OCRL: variants seen among roughly 807,000 people sequenced by gnomAD.
OCRL encodes OCRL inositol polyphosphate-5-phosphatase.
A neutral mutation model predicts 78.9 loss-of-function variants in OCRL; 8 were observed. The observed-to-expected ratio is 0.10, with a 90% CI of 0.06 to 0.18. The LOEUF (loss-of-function observed/expected upper bound fraction) is 0.18, where lower values mean the gene tolerates loss of function less well. OCRL is among the 10% of genes least tolerant of loss of function. The pLI, the probability that OCRL is intolerant of heterozygous loss-of-function variation, is 1.00. For synonymous variants in OCRL, 240 were observed against 235.4 expected (o/e 1.02, Z -0.18); for missense variants, 454 against 696.7 (o/e 0.65, Z 3.92).
chrX:129,557,596 A>G (rs1936075373), intron 5 of OCRL, among the ~76,000 whole-genome samples, 161 bp downstream of exon 5: 1 of 110,912 alleles, frequency 9.0e-6, no homozygotes, highest in African/African-American at 3.3e-5. Flanking sequence ...TAGGTTAGGG[A>G]AAAAATCTGC....
chrX:129,573,801 C>A (rs897008493), intron 15 of OCRL, among the ~76,000 whole-genome samples: 15 of 111,656 alleles, frequency 1.3e-4, no homozygotes, highest in African/African-American at 4.9e-4. Context: ...CTCTAGTGAT[C>A]CTCCTGCCTC....
Position 129,581,664 on chromosome X carries a change from TTA to T in OCRL, c.2116-2668_2116-2667del, listed in dbSNP as rs1176223744. 1.8e-4 allele frequency among the ~76,000 whole-genome samples: 19 copies of T among 105,722 alleles called. No homozygotes were observed. The South Asian group carries it at 2.1e-3, about 12-fold the overall frequency. The allele number at this position is 105,722 out of a possible 115,157, so 91.8% of individuals were successfully genotyped here. On this transcript the variant is annotated intron_variant, in intron 18 of 23. Coordinates refer to ENST00000371113, the MANE Select transcript of OCRL (RefSeq NM_000276.4). ...TGTAAGTGTATGTATATACCTTTTA[TTA>T]TATATATATATCCTTTAATATATAT...
At chrX:129,562,851 T>A in intron 12 of OCRL, 65 bp downstream of exon 12, 1 of 1,002,566 alleles carries the variant, frequency 1.0e-6, no homozygotes, top group African/African-American at 1.9e-5. Flanking sequence ...GTGTAGAGAT[T>A]AAATGTGAGA....
chrX:129,562,678 A>G lies in OCRL; in HGVS notation c.1136A>G (p.His379Arg), dbSNP rs1430455302. Residue 379 changes from histidine to arginine, a missense_variant, in exon 12 of 24, where the codon CAC becomes CGC. Physicochemically the swap from His to Arg is conservative, Grantham distance 29. Coordinates refer to ENST00000371113, the MANE Select transcript of OCRL (RefSeq NM_000276.4). ...ATTGTCAATTCCCATCTGGCTGCAC[A>G]CGTGGAGGACTTTGAGAGAAGGAAT... ...FCIVNSHLAA[H>R]VEDFERRNQD... is the part of the protein sequence containing the mutation. 8.3e-7 allele frequency: 1 copy of G among 1,211,245 alleles called. No individual in the cohort carries two copies. The highest frequency in any genetic ancestry group is 2.2e-5 in the Admixed American group (1 of 46,030).
At chrX:129,555,873 A>G (rs1373183862) in intron 4 of OCRL, among the ~76,000 whole-genome samples, 1 of 112,030 alleles carries the variant, frequency 8.9e-6, no homozygotes, top group Non-Finnish European at 1.9e-5. Context: ...CATTTAGTAT[A>G]AATAATCTGA....
chrX:129,549,146 C>T (rs746959381), intron 4 of OCRL, among the ~76,000 whole-genome samples: 14 of 111,729 alleles, frequency 1.3e-4, no homozygotes, highest in Non-Finnish European at 2.3e-4. Context: ...CCCATCCCCT[C>T]AAGGCATCTC....
chrX:129,540,662 G>GGC (rs1556337156), intron 1 of OCRL, 82 bp from the exon 2 acceptor site: 64 of 805,725 alleles, frequency 7.9e-5, no homozygotes, highest in Non-Finnish European at 1.0e-4. Context: ...GGTGGGGGGG[G>GGC]GGTGGAAGAC....
intron 6 of OCRL, 118 bp downstream of exon 6, chrX:129,558,068 T>C: frequency 1.8e-6 from 1 of 554,939 alleles, no homozygotes; most frequent in Non-Finnish European, 3.3e-6. Flanking sequence ...TCCTGCAGAG[T>C]AGTTTTATCA....
At chrX:129,557,274 T>G (rs373059752) in intron 4 of OCRL, 51 bp from the exon 5 acceptor site, 5 of 1,036,097 alleles carry the variant, frequency 4.8e-6, no homozygotes, top group Non-Finnish European at 6.8e-6. Context: ...ATGATCCCAG[T>G]AAAACATTTT....
At chrX:129,554,948 A>AAAGT (rs1936017814) in intron 4 of OCRL, among the ~76,000 whole-genome samples, 1 of 84,673 alleles carries the variant, frequency 1.2e-5, no homozygotes, top group Non-Finnish European at 2.3e-5. Flanking sequence ...ACTCCTTCTC[A>AAAGT]AAATAAATAA....
chrX:129,562,972 T>G (rs781278374), intron 12 of OCRL, among the ~76,000 whole-genome samples, 186 bp downstream of exon 12: 52 of 112,036 alleles, frequency 4.6e-4, no homozygotes, highest in Non-Finnish European at 6.6e-4. Context: ...AGACTTGATA[T>G]CAGAGGAAAA....
At chrX:129,575,443 G>T (rs779651081) in intron 16 of OCRL, among the ~76,000 whole-genome samples, 193 bp downstream of exon 16, 6 of 111,949 alleles carry the variant, frequency 5.4e-5, no homozygotes, top group African/African-American at 1.6e-4. Context: ...GCTCAGAGCC[G>T]CAGTTTCCTT....
intron 18 of OCRL, among the ~76,000 whole-genome samples, chrX:129,579,502 C>G (rs868830840): frequency 2.9e-4 from 32 of 111,777 alleles, no homozygotes; most frequent in African/African-American, 1.0e-3. Flanking sequence ...TCCTTATGCA[C>G]TGTTTTAGAA....
rs751234768 is a variant in OCRL, at chrX:129,590,220, C to T, written c.2656C>T (p.Arg886Cys). The T allele has an allele frequency of 9.1e-6, 11 of 1,209,353 alleles. No individual in the cohort carries two copies. Among genetic ancestry groups the T allele is most frequent in the South Asian group, 7.0e-5 (4 of 56,793 alleles). The change falls in exon 24 of 24, where the codon CGT (arginine) becomes TGT (cysteine). Residue 886 changes from arginine to cysteine, a missense_variant. By Grantham distance (180) the Arg-to-Cys change is radical (BLOSUM62 -3). Around this residue, in one of 2 missense-constraint regions of OCRL, gnomAD observed 277 missense variants for 517.1 expected, o/e 0.54. Transcript: ENST00000371113. ...AAGACAGACTCCAAGTGACCGCCAG[C>T]GTGCTATTCAGTTCCTTCTGGGCTT... ...MARQTPSDRQ[R>C]AIQFLLGFLL...
intron 12 of OCRL, among the ~76,000 whole-genome samples, chrX:129,563,146 C>G (rs777010646): frequency 8.9e-6 from 1 of 111,820 alleles, no homozygotes; most frequent in Non-Finnish European, 1.9e-5. Flanking sequence ...TAGCCAGTCC[C>G]TCTCTCCAAA....
At position 129,540,343 on chromosome X, in the gene OCRL, G is replaced by T. The variant is rs1199184872; in HGVS notation, c.-97G>T. The T allele has an allele frequency of 3.1e-6, 3 of 969,371 alleles. No homozygotes were observed. Among genetic ancestry groups the T allele is most frequent in the African/African-American group, 1.9e-5 (1 of 52,481 alleles). 79.9% of individuals were successfully genotyped at this position (969,371 alleles called of 1,213,427 possible). A position where few individuals can be genotyped will look rare whatever the true frequency, so the allele number is the denominator to read the frequency against. On this transcript the variant is annotated 5_prime_UTR_variant, in exon 1 of 24. Transcript: ENST00000371113. The stretch of plus-strand genomic sequence containing the variant: ...CCCGGCGCGGAGCTGTTCCTCAAAC[G>T]ACACGCAGCCGAGGTGGGTGGGTGT...
At position 129,587,849 on chromosome X, in the gene OCRL, A is replaced by G. The variant is rs2093981158; in HGVS notation, c.2257-330A>G. ...CAGGAGTTTGAGACCAGCCTGGGCA[A>G]CACGGTGAAACCCCATCTCTATAAA... On this transcript the variant is annotated intron_variant, in intron 20 of 23. Transcript: ENST00000371113. 2.7e-5 allele frequency among the ~76,000 whole-genome samples: 3 copies of G among 109,580 alleles called. No individual in the cohort carries two copies. In the South Asian group the frequency reaches 1.2e-3, roughly 44 times the overall value.
intron 18 of OCRL, among the ~76,000 whole-genome samples, chrX:129,582,130 T>C (rs1936451495): frequency 9.0e-6 from 1 of 110,519 alleles, no homozygotes; most frequent in African/African-American, 3.3e-5. Flanking sequence ...CTTCCTAATA[T>C]CAATTTGTGA....
At chrX:129,551,961 T>G (rs1265120994) in intron 4 of OCRL, among the ~76,000 whole-genome samples, 1 of 111,615 alleles carries the variant, frequency 9.0e-6, no homozygotes, top group African/African-American at 3.3e-5. Context: ...CACTTTTCTT[T>G]GAAGTGATAG....
Sources: allele counts gnomAD v4.1 joint callset (sites outside exome capture counted in the v4.1 genomes callset), GRCh38; gene constraint gnomAD v4.1.1; regional missense constraint gnomAD v4.1.1; transcripts MANE v1.5; gene names NCBI Gene and HGNC (gene_info 2026-07-23, HGNC 2026-07-21).